C17orf78: variants seen among roughly 807,000 people sequenced by gnomAD.
The protein encoded by C17orf78 is chromosome 17 open reading frame 78.
C17orf78 carries 27 observed loss-of-function variants against 31.8 expected under a neutral mutation model. The ratio of observed to expected loss-of-function variants is 0.85; its 90% CI spans 0.63 to 1.17. The LOEUF is 1.17. C17orf78 is among the 50% of genes most tolerant of loss of function. The probability of loss-of-function intolerance (pLI) is 0.00; values close to 1 mark genes in which losing one functional copy is unlikely to be tolerated. For synonymous variants in C17orf78, 106 were observed against 115.1 expected, an observed-to-expected ratio of 0.92 and a Z score of 0.51; for missense variants, 258 against 315.2, an observed-to-expected ratio of 0.82 and a Z score of 1.37.
At chr17:37,384,708 A>G (rs1484456625) in intron 3 of C17orf78, among the ~76,000 whole-genome samples, 2 of 152,300 alleles carry the variant, frequency 1.3e-5, no homozygotes, top group Non-Finnish European at 2.9e-5. Flanking sequence ...TTTCTTTTGA[A>G]CTTGTTGACT....
At chr17:37,391,197 C>T (rs1040694333) in intron 6 of C17orf78, among the ~76,000 whole-genome samples, 1 of 152,062 alleles carries the variant, frequency 6.6e-6, no homozygotes, top group East Asian at 1.9e-4. Context: ...GAGATCACAC[C>T]ACTGCACTGC....
intron 6 of C17orf78, among the ~76,000 whole-genome samples, 191 bp downstream of exon 6, chr17:37,389,553 G>A (rs1323041684): frequency 6.6e-6 from 1 of 151,976 alleles, no homozygotes; most frequent in Non-Finnish European, 1.5e-5. Context: ...TTAGCCAGGT[G>A]GCACATGCCT....
At chr17:37,381,680 T>G (rs1260566019) in intron 3 of C17orf78, among the ~76,000 whole-genome samples, 2 of 145,812 alleles carry the variant, frequency 1.4e-5, no homozygotes, top group Non-Finnish European at 3.0e-5. Context: ...CAGGCTGGAG[T>G]GCAGTGGTGC....
intron 2 of C17orf78, 95 bp from the exon 3 acceptor site, chr17:37,379,042 A>C: frequency 7.1e-7 from 1 of 1,411,996 alleles, no homozygotes; most frequent in Non-Finnish European, 9.4e-7. Flanking sequence ...ACTGCACTCC[A>C]GCTTGGGTGA....
At chr17:37,380,930 A>G (rs1452381925) in intron 3 of C17orf78, among the ~76,000 whole-genome samples, 1 of 149,948 alleles carries the variant, frequency 6.7e-6, no homozygotes, top group African/African-American at 2.5e-5. Flanking sequence ...TTTTGCATGC[A>G]CACAGTAAAA....
chr17:37,376,437 G>A (rs1195126739), intron 1 of C17orf78, among the ~76,000 whole-genome samples: 1 of 152,128 alleles, frequency 6.6e-6, no homozygotes. Flanking sequence ...GCTTTCTTTA[G>A]AGTTTCAGTA....
chr17:37,389,369 G>A lies in C17orf78; in HGVS notation c.750+7G>A, dbSNP rs1382200105. The A allele has an allele frequency of 6.1e-5, 96 of 1,569,300 alleles. No homozygotes were observed. The highest frequency in any genetic ancestry group is 8.2e-5 in the Non-Finnish European group (95 of 1,157,206). Reference sequence around the variant, plus strand: ...TGACTCTCAGCCCCAGAAGGAAAGTGTTCTCTGTGTGGTTTATGTCATTTG... The same window carrying A: ...TGACTCTCAGCCCCAGAAGGAAAGTATTCTCTGTGTGGTTTATGTCATTTG... On this transcript the variant is annotated splice_region_variant and intron_variant, in intron 6 of 6. Transcript: ENST00000615133.
chr17:37,390,175 T>TATATATACACAC (rs60788220), intron 6 of C17orf78, among the ~76,000 whole-genome samples: 35 of 44,510 alleles, frequency 7.9e-4, no homozygotes, highest in Admixed American at 1.7e-3. Flanking sequence ...TATATATATA[T>TATATATACACAC]ACACACACAC....
chr17:37,389,822 G>A (rs1357984032), intron 6 of C17orf78, among the ~76,000 whole-genome samples: 1 of 151,794 alleles, frequency 6.6e-6, no homozygotes, highest in Non-Finnish European at 1.5e-5. Context: ...CAGTTATGAA[G>A]CAAATGTGGG....
rs183979145 is a variant in C17orf78, at chr17:37,388,079, G to A, written c.509-591G>A. Among the ~76,000 whole-genome samples the A allele has an allele frequency of 5.1e-4, 77 of 152,156 alleles. No homozygotes were observed. In the Middle Eastern group the frequency reaches 0.01, roughly 20 times the overall value. ...ACTCAGGAGGCTAAGGTGGGAGGAT[G>A]GTTTGAGCCTGGGAGATTGAGGCTG... On this transcript the variant is annotated intron_variant, in intron 4 of 6. Coordinates refer to ENST00000615133, the MANE Select transcript of C17orf78 (RefSeq NM_173625.5).
chr17:37,377,816 A>G, intron 1 of C17orf78, 63 bp from the exon 2 acceptor site: 1 of 1,308,618 alleles, frequency 7.6e-7, no homozygotes, highest in East Asian at 2.3e-5. Context: ...AGTAAGTACC[A>G]GTAAATTCTG....
intron 6 of C17orf78, among the ~76,000 whole-genome samples, chr17:37,390,314 A>C (rs1374138462): frequency 5.2e-5 from 2 of 38,690 alleles, no homozygotes; most frequent in East Asian, 3.4e-3. Flanking sequence ...TTATATATAT[A>C]TATATATATA....
rs967106722 is a variant in C17orf78 at position 37,388,677 on chromosome 17, T to A, written c.516T>A (p.Asp172Glu). 1.2e-5 allele frequency: 19 copies of A among 1,611,614 alleles called. No homozygotes were observed. The highest frequency in any genetic ancestry group is 1.5e-5 in the Non-Finnish European group (18 of 1,178,392). The change falls in exon 5 of 7, where the codon GAT becomes GAA. Residue 172 changes from aspartate (D) to glutamate (E), a missense_variant. Asp to Glu is a conservative substitution (Grantham distance 45). Transcript: ENST00000615133. ...EGEKTTSTDT[D>E]ENLEKRQKWS... ...CTCCCCTCTCTCCTTTAGACACAGA[T>A]GAGAACCTAGAGAAGAGACAGAAAT...
chr17:37,380,788 G>C (rs552473093), intron 3 of C17orf78, among the ~76,000 whole-genome samples: 1 of 152,118 alleles, frequency 6.6e-6, no homozygotes, highest in African/African-American at 2.4e-5. Flanking sequence ...AGTAGAGACA[G>C]GATTTCACCA....
In C17orf78 at chr17:37,386,000, G is replaced by C. The variant is rs1354351978; in HGVS notation, c.392-9G>C. The C allele has an allele frequency of 1.3e-6, 2 of 1,545,354 alleles. No individual in the cohort carries two copies. The highest frequency in any genetic ancestry group is 2.7e-5 in the African/African-American group (2 of 73,048). On this transcript the variant is annotated splice_polypyrimidine_tract_variant and intron_variant, in intron 3 of 6. Coordinates refer to ENST00000615133, the MANE Select transcript of C17orf78 (RefSeq NM_173625.5). ...CCTAAAGTTTCATCTTTTCTACTTT[G>C]TTTTATAGCTTTTTTACCAGGGATC...
At chr17:37,380,428 TAAAAGAAAAAA>T (rs1174188031) in intron 3 of C17orf78, among the ~76,000 whole-genome samples, 1 of 150,242 alleles carries the variant, frequency 6.7e-6, no homozygotes, top group African/African-American at 2.4e-5. Context: ...AGTATAATAA[TAAAAGAAAAAA>T]AAAAGAAAAT....
rs76941365 is a variant in C17orf78, at chr17:37,383,212, G to A, written c.392-2797G>A. ...GAGTTTGGAGCACTCTGGGTGGAGT[G>A]AATATAGTGCTAGGCATTGTGAGAC... On this transcript the variant is annotated intron_variant, in intron 3 of 6. Coordinates refer to ENST00000615133, the MANE Select transcript of C17orf78 (RefSeq NM_173625.5). 6.1e-3 allele frequency among the ~76,000 whole-genome samples: 922 copies of A among 152,270 alleles called. 8 individuals are homozygous for A. The highest frequency in any genetic ancestry group is 0.019 in the African/African-American group (805 of 41,552).
At chr17:37,382,786 G>A (rs936036880) in intron 3 of C17orf78, among the ~76,000 whole-genome samples, 2 of 152,142 alleles carry the variant, frequency 1.3e-5, no homozygotes. Context: ...CTTGAACCCA[G>A]GATGCAGAGG....
At chr17:37,380,305 C>T (rs1419943246) in intron 3 of C17orf78, among the ~76,000 whole-genome samples, 1 of 149,352 alleles carries the variant, frequency 6.7e-6, no homozygotes, top group Non-Finnish European at 1.5e-5. Flanking sequence ...GGGATAGCAT[C>T]GGGAGATATA....
Sources: allele counts gnomAD v4.1 joint callset (sites outside exome capture counted in the v4.1 genomes callset), GRCh38; gene constraint gnomAD v4.1.1; transcripts MANE v1.5; gene names NCBI Gene and HGNC (gene_info 2026-07-23, HGNC 2026-07-21).